ST18: variants seen among roughly 807,000 people sequenced by gnomAD.
The protein encoded by ST18 is ST18 C2H2C-type zinc finger transcription factor.
Under a neutral mutation model 110.0 loss-of-function variants are expected in ST18, and 50 were observed. The observed-to-expected ratio is 0.45, with a 90% CI of 0.36 to 0.58. The LOEUF is 0.58. Among genes scored for constraint, ST18 ranks in the 20% least tolerant of loss-of-function variants. ST18 has a pLI of 0.00. For synonymous variants in ST18, 461 were observed against 452.4 expected (o/e 1.02, Z -0.24); for missense variants, 1,306 against 1,280.1 (o/e 1.02, Z -0.31).
intron 2 of ST18, among the ~76,000 whole-genome samples, chr8:52,329,773 G>A (rs1174950384): frequency 6.6e-6 from 1 of 151,834 alleles, no homozygotes; most frequent in East Asian, 1.9e-4. Context: ...AAAAAAGAAA[G>A]AAACAAAAAA....
intron 15 of ST18, among the ~76,000 whole-genome samples, chr8:52,156,904 T>C (rs1174723108): frequency 2.0e-5 from 3 of 152,184 alleles, no homozygotes; most frequent in African/African-American, 4.8e-5. Flanking sequence ...CAAACTCCTT[T>C]GGGAAGTCAA....
intron 23 of ST18, among the ~76,000 whole-genome samples, chr8:52,124,411 TG>T (rs2046193570): frequency 6.6e-6 from 1 of 152,138 alleles, no homozygotes; most frequent in East Asian, 1.9e-4. Flanking sequence ...CCTGATCTCG[TG>T]ATCTGCCCGC....
At chr8:52,386,764 T>A (rs1359157154) in intron 2 of ST18, among the ~76,000 whole-genome samples, 2 of 152,140 alleles carry the variant, frequency 1.3e-5, no homozygotes, top group East Asian at 3.9e-4. Flanking sequence ...CCATGTCAAA[T>A]GTGCCAGTCA....
At chr8:52,162,496 T>C (rs2061721776) in intron 13 of ST18, among the ~76,000 whole-genome samples, 1 of 152,192 alleles carries the variant, frequency 6.6e-6, no homozygotes, top group South Asian at 2.1e-4. Context: ...TTCCCTGCCT[T>C]CAGTCAGAAT....
intron 2 of ST18, among the ~76,000 whole-genome samples, chr8:52,389,727 C>T (rs554744311): frequency 1.3e-5 from 2 of 152,318 alleles, no homozygotes; most frequent in Admixed American, 1.3e-4. Context: ...CCAACTGGCC[C>T]TGCACGGGCC....
chr8:52,204,590 A>G (rs1195082356), intron 8 of ST18, among the ~76,000 whole-genome samples: 2 of 152,230 alleles, frequency 1.3e-5, no homozygotes, highest in Non-Finnish European at 2.9e-5. Context: ...TGAATTGCGT[A>G]TCCACTGAAA....
intron 8 of ST18, among the ~76,000 whole-genome samples, chr8:52,206,100 C>T (rs1349680627): frequency 6.6e-6 from 1 of 152,156 alleles, no homozygotes; most frequent in South Asian, 2.1e-4. Context: ...TGAGTCCTGT[C>T]TCTGATTCAG....
At chr8:52,145,112 A>G (rs2056797705) in intron 16 of ST18, among the ~76,000 whole-genome samples, 1 of 150,570 alleles carries the variant, frequency 6.6e-6, no homozygotes, top group Non-Finnish European at 1.5e-5. Context: ...TTTATTATTT[A>G]TGGCAAAGTT....
intron 2 of ST18, among the ~76,000 whole-genome samples, chr8:52,235,279 C>G (rs2092442737): frequency 1.3e-5 from 2 of 152,124 alleles, no homozygotes; most frequent in Admixed American, 1.3e-4. Context: ...CCTCCTGCCC[C>G]ACACCTGGTC....
At chr8:52,125,940 G>T (rs1293184240) in intron 23 of ST18, 112 bp downstream of exon 23, 1 of 826,286 alleles carries the variant, frequency 1.2e-6, no homozygotes, top group Non-Finnish European at 1.9e-6. Flanking sequence ...CTTTCTTCTT[G>T]TACATTAAAA....
At chr8:52,202,477 G>A (rs1399242487) in intron 8 of ST18, among the ~76,000 whole-genome samples, 2 of 152,042 alleles carry the variant, frequency 1.3e-5, no homozygotes, top group East Asian at 1.9e-4. Flanking sequence ...TTGTAAAGCC[G>A]AAGGCAGAGA....
intron 2 of ST18, among the ~76,000 whole-genome samples, chr8:52,255,275 A>AT (rs1463986614): frequency 6.6e-6 from 1 of 152,058 alleles, no homozygotes; most frequent in Admixed American, 6.6e-5. Flanking sequence ...CTCACAGGGA[A>AT]TTTTTTCATG....
At chr8:52,133,393 A>G (rs2050572593) in intron 19 of ST18, 92 bp from the exon 20 acceptor site, 4 of 1,449,544 alleles carry the variant, frequency 2.8e-6, no homozygotes, top group Non-Finnish European at 3.9e-6. Context: ...CAGTAATCAC[A>G]TTAATGTTCC....
intron 9 of ST18, among the ~76,000 whole-genome samples, chr8:52,173,324 G>A (rs977423354): frequency 1.3e-5 from 2 of 152,208 alleles, no homozygotes; most frequent in Non-Finnish European, 2.9e-5. Flanking sequence ...ATGAGACAAG[G>A]TGGGGCATTG....
In ST18 at chr8:52,377,400, G is replaced by C. The variant is rs538681975; in HGVS notation, c.-465+31928C>G. Among the ~76,000 whole-genome samples, 29 of 152,250 alleles carry C rather than the reference G, an allele frequency of 1.9e-4. No homozygotes were observed. The South Asian group carries it at 3.5e-3, about 18-fold the overall frequency. On this transcript the variant is annotated intron_variant, in intron 2 of 25. Transcript: ENST00000689386. ...GTTACTGTTCTATAAGTTGACATGG[G>C]CCAAATGATGGGAAGGAACAGCTCC... is the stretch of plus-strand genomic sequence containing the variant.
At chr8:52,115,002 A>G (rs2042039046) in intron 25 of ST18, among the ~76,000 whole-genome samples, 1 of 152,240 alleles carries the variant, frequency 6.6e-6, no homozygotes, top group African/African-American at 2.4e-5. Context: ...ACATTCATAA[A>G]TAACATTGCA....
At chr8:52,145,577 C>G (rs1053037788) in intron 16 of ST18, among the ~76,000 whole-genome samples, 2 of 152,014 alleles carry the variant, frequency 1.3e-5, no homozygotes, top group African/African-American at 4.8e-5. Flanking sequence ...TAAACAGCAG[C>G]CAGTGTAAAT....
At chr8:52,170,994 G>A (rs530789145) in intron 10 of ST18, among the ~76,000 whole-genome samples, 11 of 151,982 alleles carry the variant, frequency 7.2e-5, no homozygotes, top group East Asian at 5.8e-4. Flanking sequence ...TGTGGCTCTC[G>A]GGTTTCAGAG....
chr8:52,308,747 C>T (rs1356912463), intron 2 of ST18, among the ~76,000 whole-genome samples: 1 of 152,178 alleles, frequency 6.6e-6, no homozygotes, highest in Non-Finnish European at 1.5e-5. Context: ...ATGGGCAACC[C>T]CCCATCCCAC....
Sources: gnomAD v4.1 joint callset for allele counts (sites outside exome capture counted in the v4.1 genomes callset) on GRCh38, gnomAD v4.1.1 for gene constraint, MANE v1.5 for transcripts, NCBI Gene and HGNC (gene_info 2026-07-23, HGNC 2026-07-21) for gene names.